Variants in FRAS1 observed in about 807,000 individuals in gnomAD.
FRAS1 encodes the protein extracellular matrix organizing protein FRAS1.
Under a neutral mutation model 435.2 loss-of-function variants are expected in FRAS1, and 290 were observed. The observed-to-expected ratio is 0.67, with a 90% confidence interval of 0.61 to 0.73. The LOEUF is 0.73. Among genes scored for constraint, FRAS1 ranks in the 30% least tolerant of loss-of-function variants. The pLI is 0.00. For missense variants in FRAS1, 4,860 were observed against 5,001.5 expected, an observed-to-expected ratio of 0.97 and a Z score of 0.85; for synonymous variants, 1,800 against 1,851.0, an observed-to-expected ratio of 0.97 and a Z score of 0.71.
In FRAS1 at chr4:78,507,591, T is replaced by C. The variant is rs966580748; in HGVS notation, c.9487T>C (p.Leu3163=). The C allele has an allele frequency of 6.3e-7, 1 of 1,598,674 alleles. No homozygotes were observed. Among genetic ancestry groups the C allele is most frequent in the Non-Finnish European group, 8.5e-7 (1 of 1,174,938 alleles). ...LDQEAAGSLI[L]PAPPIVVTLA... is the part of the protein sequence containing the mutation. ...CCAGGAGGCAGCAGGGAGCCTCATA[T>C]TGCCAGCACCACCCATTGTGAGTTG... Residue 3163 remains leucine, a synonymous_variant, in exon 62 of 74, where the codon TTG becomes CTG. Transcript: ENST00000512123.
intron 9 of FRAS1, among the ~76,000 whole-genome samples, chr4:78,269,310 T>A (rs1726530908): frequency 6.6e-6 from 1 of 152,154 alleles, no homozygotes. Flanking sequence ...GTTAAATATA[T>A]TAGGAGCTCC....
At chr4:78,446,267 G>A (rs1254988958) in intron 42 of FRAS1, 1 of 1,007,004 alleles carries the variant, frequency 9.9e-7, no homozygotes, top group Non-Finnish European at 1.2e-6. Flanking sequence ...TTAAGGGTCA[G>A]TGGTGGAAAG....
At chr4:78,298,036 A>C (rs201279194) in intron 14 of FRAS1, among the ~76,000 whole-genome samples, 8,739 of 118,208 alleles carry the variant, frequency 0.074, 308 homozygotes, top group African/African-American at 0.12. Context: ...CTCTCTATAT[A>C]TATATATATA....
chr4:78,387,579 T>TC lies in FRAS1; in HGVS notation c.3854dup (p.Arg1286Ter). On this transcript the variant is annotated frameshift_variant, in exon 29 of 74. Coordinates refer to ENST00000512123, the MANE Select transcript of FRAS1 (RefSeq NM_025074.7). LOFTEE classifies it high-confidence loss of function. ...CTATCAATTCCAGCTGGATGAACTC[T>TC]CTAGAGGCCTTCTCCACTATGCTCA... is the stretch of plus-strand genomic sequence containing the variant. The TC allele has an allele frequency of 6.2e-7, 1 of 1,613,828 alleles. No individual in the cohort carries two copies. Among genetic ancestry groups the TC allele is most frequent in the Non-Finnish European group, 8.5e-7 (1 of 1,179,812 alleles).
intron 2 of FRAS1, among the ~76,000 whole-genome samples, chr4:78,196,240 C>G (rs968497367): frequency 6.6e-6 from 1 of 152,166 alleles, no homozygotes; most frequent in Non-Finnish European, 1.5e-5. Flanking sequence ...ATCTCCTGAC[C>G]TTGTGATCCG....
chr4:78,377,078 C>G (rs1731795809), intron 26 of FRAS1, among the ~76,000 whole-genome samples: 1 of 152,094 alleles, frequency 6.6e-6, no homozygotes, highest in African/African-American at 2.4e-5. Flanking sequence ...CCTTAAATAA[C>G]AAAGAGAAGT....
chr4:78,485,563 C>T (rs753914205), intron 58 of FRAS1, among the ~76,000 whole-genome samples: 18 of 152,182 alleles, frequency 1.2e-4, no homozygotes, highest in Non-Finnish European at 1.6e-4. Flanking sequence ...GCATAGCATT[C>T]AGTACTTACT....
intron 14 of FRAS1, among the ~76,000 whole-genome samples, chr4:78,297,044 T>C (rs1388900487): frequency 1.3e-5 from 2 of 152,198 alleles, no homozygotes; most frequent in Non-Finnish European, 2.9e-5. Context: ...ACCCACTGTC[T>C]CCTGATAATA....
chr4:78,426,899 A>T (rs1194175924), intron 35 of FRAS1, among the ~76,000 whole-genome samples: 1 of 152,220 alleles, frequency 6.6e-6, no homozygotes, highest in East Asian at 1.9e-4. Flanking sequence ...ACTTACTTAC[A>T]GAGTCAAGAA....
At position 78,464,123 on chromosome 4, in the gene FRAS1, C is replaced by T; in HGVS notation, c.6866C>T (p.Thr2289Ile). 1 of 1,613,176 alleles carries T rather than the reference C, an allele frequency of 6.2e-7. No individual in the cohort carries two copies. The highest frequency in any genetic ancestry group is 2.2e-5 in the East Asian group (1 of 44,870). ...AEKHSDAFSF[T>I]LSDGVSEVTQ... Reference sequence around the variant, plus strand: ...AAACATTCAGATGCCTTCAGCTTTACACTGTCTGATGGAGTCAGTGAGGTA... The same window carrying T: ...AAACATTCAGATGCCTTCAGCTTTATACTGTCTGATGGAGTCAGTGAGGTA... The change falls in exon 48 of 74, where the codon ACA (threonine) becomes ATA (isoleucine). Residue 2289 changes from threonine to isoleucine, a missense_variant. Thr to Ile is a moderately conservative substitution (Grantham distance 89). Transcript: ENST00000512123.
chr4:78,364,847 G>A (rs1731201756), intron 22 of FRAS1, among the ~76,000 whole-genome samples: 1 of 152,190 alleles, frequency 6.6e-6, no homozygotes, highest in Admixed American at 6.5e-5. Context: ...TGTGTTCTAG[G>A]GGTACCATGC....
chr4:78,067,591 C>T (rs1372438000), intron 2 of FRAS1, among the ~76,000 whole-genome samples: 1 of 151,906 alleles, frequency 6.6e-6, no homozygotes, highest in Non-Finnish European at 1.5e-5. Flanking sequence ...CCCACACCAG[C>T]ACGCTCCTCA....
chr4:78,536,691 C>T (rs1721893221), intron 71 of FRAS1, among the ~76,000 whole-genome samples: 1 of 152,168 alleles, frequency 6.6e-6, no homozygotes, highest in Admixed American at 6.5e-5. Context: ...CTGCATCTCA[C>T]ACACCTTGGT....
intron 35 of FRAS1, among the ~76,000 whole-genome samples, chr4:78,427,497 AG>A (rs1257415327): frequency 6.6e-6 from 1 of 152,264 alleles, no homozygotes; most frequent in African/African-American, 2.4e-5. Flanking sequence ...TTTTGCAACT[AG>A]TTCTTATCTT....
intron 31 of FRAS1, 105 bp downstream of exon 31, chr4:78,407,946 C>A (rs1466554111): frequency 1.0e-6 from 1 of 959,612 alleles, no homozygotes; most frequent in Non-Finnish European, 1.5e-6. Context: ...CAGGAAATCA[C>A]ATTTGGGGGA....
At chr4:78,536,965 G>T in intron 71 of FRAS1, 30 bp from the exon 72 acceptor site, 1 of 1,579,106 alleles carries the variant, frequency 6.3e-7, no homozygotes, top group South Asian at 1.1e-5. Flanking sequence ...CTTAAAGTCT[G>T]ACCTAATTAA....
At chr4:78,385,143 A>G (rs12644161) in intron 28 of FRAS1, among the ~76,000 whole-genome samples, 57,797 of 151,908 alleles carry the variant, frequency 0.38, 11,120 homozygotes, top group African/African-American at 0.39. Context: ...ATTCATCTCC[A>G]TCAAGTTGTA....
chr4:78,300,445 C>T (rs1035386851), intron 14 of FRAS1, among the ~76,000 whole-genome samples: 4 of 152,252 alleles, frequency 2.6e-5, no homozygotes, highest in East Asian at 1.9e-4. Context: ...ATGGAGCTTA[C>T]GGTCTCACAA....
rs973092101 is a variant in FRAS1 at position 78,138,320 on chromosome 4, G to A, written c.108+72304G>A. Among the ~76,000 whole-genome samples the A allele has an allele frequency of 1.2e-3, 183 of 152,184 alleles. 2 individuals are homozygous for A. The highest frequency in any genetic ancestry group is 9.6e-4 in the East Asian group (5 of 5,202). ...AAGAAAAGTAAGGAAGGCCATAGAA[G>A]CATTTAGGTCCAGGGTGAGAACTCA... On this transcript the variant is annotated intron_variant, in intron 2 of 73. Coordinates refer to ENST00000512123, the MANE Select transcript of FRAS1 (RefSeq NM_025074.7).
Sources: gnomAD v4.1 joint callset for allele counts (sites outside exome capture counted in the v4.1 genomes callset) on GRCh38, gnomAD v4.1.1 for gene constraint, MANE v1.5 for transcripts, NCBI Gene and HGNC (gene_info 2026-07-23, HGNC 2026-07-21) for gene names.